Variants in MDGA2 observed in about 807,000 individuals in gnomAD.
MDGA2 encodes MAM domain-containing glycosylphosphatidylinositol anchor protein 2.
In MDGA2, 40 loss-of-function variants were observed where a neutral mutation model predicts 117.8. That is an observed-to-expected ratio of 0.34 (90% CI 0.26 to 0.44). The LOEUF is 0.44. MDGA2 is among the 20% of genes least tolerant of loss of function. The pLI, the probability that MDGA2 is intolerant of heterozygous loss-of-function variation, is 1.00. For missense variants in MDGA2, 1,123 were observed against 1,250.6 expected, an observed-to-expected ratio of 0.90 and a Z score of 1.54; for synonymous variants, 452 against 439.0, an observed-to-expected ratio of 1.03 and a Z score of -0.37.
At chr14:47,319,283 C>T (rs1166271313) in intron 1 of MDGA2, among the ~76,000 whole-genome samples, 1 of 151,550 alleles carries the variant, frequency 6.6e-6, no homozygotes. Context: ...TGAACAAATT[C>T]AAACAAATCT....
chr14:47,064,605 G>A (rs1180518694), intron 6 of MDGA2, among the ~76,000 whole-genome samples: 1 of 151,974 alleles, frequency 6.6e-6, no homozygotes, highest in Non-Finnish European at 1.5e-5. Flanking sequence ...TGTCTACGTG[G>A]TCCAAGATGG....
chr14:47,122,349 T>G (rs1445452797), intron 5 of MDGA2, among the ~76,000 whole-genome samples: 3 of 152,046 alleles, frequency 2.0e-5, no homozygotes, highest in Admixed American at 2.0e-4. Context: ...ACATTAAGAC[T>G]TGAATCTTAC....
intron 1 of MDGA2, among the ~76,000 whole-genome samples, chr14:47,462,375 CAAAAAAAAAA>C (rs373508880): frequency 1.0e-5 from 1 of 96,070 alleles, no homozygotes; most frequent in Non-Finnish European, 2.1e-5. Context: ...GACTCCGTCC[CAAAAAAAAAA>C]AAAAAAAGAA....
intron 1 of MDGA2, among the ~76,000 whole-genome samples, chr14:47,543,824 G>A (rs760210886): frequency 1.3e-5 from 2 of 152,182 alleles, no homozygotes; most frequent in Non-Finnish European, 2.9e-5. Flanking sequence ...CAGAGCATTA[G>A]TCCAGTGAGC....
chr14:47,043,647 C>A (rs1274100887), intron 7 of MDGA2, among the ~76,000 whole-genome samples: 1 of 151,984 alleles, frequency 6.6e-6, no homozygotes, highest in East Asian at 1.9e-4. Context: ...TCCCATTTAC[C>A]AGAACAGAAG....
At chr14:47,167,679 G>A (rs894417279) in intron 3 of MDGA2, among the ~76,000 whole-genome samples, 1 of 151,892 alleles carries the variant, frequency 6.6e-6, no homozygotes, top group Non-Finnish European at 1.5e-5. Context: ...AGCTACACAT[G>A]GAAAACATCT....
intron 9 of MDGA2, among the ~76,000 whole-genome samples, chr14:46,950,122 A>C (rs1566541169): frequency 1.3e-5 from 2 of 152,014 alleles, no homozygotes; most frequent in Non-Finnish European, 2.9e-5. Flanking sequence ...TGTTTAAAAA[A>C]TTATATGAAT....
Position 47,051,552 on chromosome 14 carries a change from A to G in MDGA2, c.1525+9697T>C, listed in dbSNP as rs79984258. 7.8e-3 allele frequency among the ~76,000 whole-genome samples: 1,185 copies of G among 152,024 alleles called. 14 individuals are homozygous for G. The highest frequency in any genetic ancestry group is 0.027 in the African/African-American group (1,133 of 41,538). ...TTCTTTTAAAACTGAAAAGATATTT[A>G]TTGGCAAGCAGATTTGAGGGGAGAA... On this transcript the variant is annotated intron_variant, in intron 7 of 16. Coordinates refer to ENST00000399232, the MANE Select transcript of MDGA2 (RefSeq NM_001113498.3).
intron 1 of MDGA2, among the ~76,000 whole-genome samples, chr14:47,438,948 C>T (rs1359703919): frequency 2.0e-5 from 3 of 152,200 alleles, no homozygotes; most frequent in South Asian, 2.1e-4. Context: ...ACTCTATCTT[C>T]GCCAACTAAA....
chr14:47,020,409 C>T (rs1888245638), intron 8 of MDGA2, among the ~76,000 whole-genome samples: 1 of 151,820 alleles, frequency 6.6e-6, no homozygotes, highest in Non-Finnish European at 1.5e-5. Flanking sequence ...ATCTTAAGTA[C>T]AAAAATGAAA....
rs939593737 is a variant in MDGA2, at chr14:47,674,623, G to A, written c.174C>T (p.Thr58=). 6.5e-7 allele frequency: 1 copy of A among 1,537,718 alleles called. No homozygotes were observed. Among genetic ancestry groups the A allele is most frequent in the African/African-American group, 1.4e-5 (1 of 72,662 alleles). The change falls in exon 1 of 17, where the codon ACC becomes ACT. Residue 58 remains threonine (T), a synonymous_variant. Coordinates refer to ENST00000399232, the MANE Select transcript of MDGA2 (RefSeq NM_001113498.3). The part of the protein sequence containing the change: ...AAGLLKVPLR[T]PWAGYVHVHV... ...GAACATGAACATATCCAGCCCAGGG[G>A]GTACGCAACGGGACCTTCAGGAGGC... is the stretch of plus-strand genomic sequence containing the variant.
chr14:46,916,489 A>C (rs375560079), intron 10 of MDGA2, among the ~76,000 whole-genome samples: 23 of 152,264 alleles, frequency 1.5e-4, no homozygotes, highest in East Asian at 1.4e-3. Flanking sequence ...AATTTTTTAA[A>C]AAAGAACTAC....
chr14:47,512,769 T>C (rs781196700), intron 1 of MDGA2, among the ~76,000 whole-genome samples: 1 of 152,074 alleles, frequency 6.6e-6, no homozygotes, highest in Non-Finnish European at 1.5e-5. Flanking sequence ...TGTGAGGGTG[T>C]CAGCCATCTT....
At chr14:47,627,965 T>C (rs1897181070) in intron 1 of MDGA2, among the ~76,000 whole-genome samples, 1 of 152,098 alleles carries the variant, frequency 6.6e-6, no homozygotes. Flanking sequence ...ACTGTAACAC[T>C]CACCGTGAGG....
chr14:47,359,143 C>G (rs769574969), intron 1 of MDGA2, among the ~76,000 whole-genome samples: 22 of 152,140 alleles, frequency 1.4e-4, no homozygotes, highest in Non-Finnish European at 3.1e-4. Flanking sequence ...ATCACGAGGT[C>G]AGGAGATCAA....
At chr14:47,438,839 A>C (rs914391152) in intron 1 of MDGA2, among the ~76,000 whole-genome samples, 1 of 152,130 alleles carries the variant, frequency 6.6e-6, no homozygotes, top group Non-Finnish European at 1.5e-5. Context: ...AAGAAACAAA[A>C]AAAAGTCTCT....
rs1192479211 is a variant in MDGA2, at chr14:47,139,859, CAT to C, written c.792+4217_792+4218del. On this transcript the variant is annotated intron_variant, in intron 4 of 16. Transcript: ENST00000399232. The stretch of plus-strand genomic sequence containing the variant: ...ATATATATACACACATATATATACA[CAT>C]ATATATATATACACACACACACATA... Among the ~76,000 whole-genome samples the C allele has an allele frequency of 3.8e-3, 522 of 137,742 alleles. 2 individuals carry two copies. The highest frequency in any genetic ancestry group is 3.9e-3 in the African/African-American group (140 of 35,970). 90.4% of individuals were successfully genotyped at this position (137,742 alleles called of 152,430 possible). A position where few individuals can be genotyped will look rare whatever the true frequency, so the allele number is the denominator to read the frequency against.
At chr14:46,927,881 C>T (rs554638824) in intron 9 of MDGA2, among the ~76,000 whole-genome samples, 1 of 152,198 alleles carries the variant, frequency 6.6e-6, no homozygotes, top group South Asian at 2.1e-4. Context: ...GGCAGACTAC[C>T]CTGCGACCAC....
intron 4 of MDGA2, among the ~76,000 whole-genome samples, chr14:47,139,108 T>G (rs908171085): frequency 7.9e-5 from 12 of 152,124 alleles, no homozygotes; most frequent in African/African-American, 2.9e-4. Context: ...AAGACATTAT[T>G]ATTAAATAAC....
Sources: allele counts gnomAD v4.1 joint callset (sites outside exome capture counted in the v4.1 genomes callset), GRCh38; gene constraint gnomAD v4.1.1; transcripts MANE v1.5; gene names NCBI Gene and HGNC (gene_info 2026-07-23, HGNC 2026-07-21).